Variants in CNOT1 observed in about 807,000 individuals in gnomAD.
The protein encoded by CNOT1 is CCR4-associated factor 1.
In CNOT1, 15 loss-of-function variants were observed where a neutral mutation model predicts 273.8. The ratio of observed to expected loss-of-function variants is 0.05; its 90% CI spans 0.04 to 0.08. The LOEUF (loss-of-function observed/expected upper bound fraction) is 0.08, where lower values mean the gene tolerates loss of function less well. Ranked by LOEUF, CNOT1 falls within the 10% of genes least tolerant of loss-of-function variation. The pLI is 1.00. For synonymous variants in CNOT1, 1,022 were observed against 1,005.5 expected (o/e 1.02, Z -0.31); for missense variants, 1,644 against 2,912.2 (o/e 0.56, Z 10.02).
chr16:58,617,836 T>A (rs983050607), intron 1 of CNOT1, among the ~76,000 whole-genome samples: 1 of 152,104 alleles, frequency 6.6e-6, no homozygotes, highest in Non-Finnish European at 1.5e-5. Flanking sequence ...CAAGACCCTG[T>A]CTCTACAACT....
At chr16:58,577,690 T>C (rs1215614451) in intron 13 of CNOT1, among the ~76,000 whole-genome samples, 1 of 151,936 alleles carries the variant, frequency 6.6e-6, no homozygotes, top group Non-Finnish European at 1.5e-5. Flanking sequence ...ATTCAAAAAA[T>C]TAACCGGGTA....
intron 20 of CNOT1, 63 bp downstream of exon 20, chr16:58,555,721 G>A: frequency 1.9e-6 from 3 of 1,598,522 alleles, no homozygotes; most frequent in Non-Finnish European, 2.6e-6. Context: ...TAAAAACATT[G>A]AAAAGGACAT....
rs145593532 is a variant in CNOT1, at chr16:58,587,424, C to T, written c.310-11G>A. The T allele has an allele frequency of 8.1e-6, 13 of 1,611,092 alleles. No individual in the cohort carries two copies. The East Asian group carries it at 2.7e-4, about 33-fold the overall frequency. On this transcript the variant is annotated splice_polypyrimidine_tract_variant and intron_variant, in intron 4 of 48. Coordinates refer to ENST00000317147, the MANE Select transcript of CNOT1 (RefSeq NM_016284.5). ...TGCAGGCTTTAAACTCTGAAACAAA[C>T]CAAATTTTAGTTTAAAATAAGAACT...
chr16:58,524,887 C>CCCTT (rs2039534355), intron 46 of CNOT1, among the ~76,000 whole-genome samples: 1 of 152,140 alleles, frequency 6.6e-6, no homozygotes, highest in African/African-American at 2.4e-5. Context: ...TAACAAGAGG[C>CCCTT]TATGTTTAAA....
chr16:58,523,300 A>C, intron 47 of CNOT1, 70 bp downstream of exon 47: 2 of 1,462,214 alleles, frequency 1.4e-6, no homozygotes, highest in Non-Finnish European at 1.8e-6. Flanking sequence ...TGAAAGCATA[A>C]AGAGGAAAAA....
At chr16:58,602,182 C>T (rs1411872661) in intron 1 of CNOT1, among the ~76,000 whole-genome samples, 2 of 151,982 alleles carry the variant, frequency 1.3e-5, no homozygotes, top group Non-Finnish European at 2.9e-5. Context: ...GATTCTCCTG[C>T]CTCAGCCTCC....
chr16:58,578,985 A>G, intron 12 of CNOT1, 46 bp from the exon 13 acceptor site: 1 of 1,591,402 alleles, frequency 6.3e-7, no homozygotes, highest in Non-Finnish European at 8.6e-7. Flanking sequence ...AAATCCAAGT[A>G]TACAGATTAA....
chr16:58,602,553 CA>C (rs60230860), intron 1 of CNOT1, among the ~76,000 whole-genome samples: 6,703 of 57,424 alleles, frequency 0.12, 68 homozygotes, highest in South Asian at 0.21. Context: ...ACTCTGTCTC[CA>C]AAAAAAAAAA....
At position 58,560,372 on chromosome 16, in the gene CNOT1, A is replaced by AG. The variant is rs1376383858; in HGVS notation, c.1980-11dup. The AG allele has an allele frequency of 6.2e-7, 1 of 1,612,522 alleles. No individual in the cohort carries two copies. The highest frequency in any genetic ancestry group is 8.5e-7 in the Non-Finnish European group (1 of 1,179,494). On this transcript the variant is annotated splice_polypyrimidine_tract_variant and intron_variant, in intron 16 of 48. Coordinates refer to ENST00000317147, the MANE Select transcript of CNOT1 (RefSeq NM_016284.5). ...CTCCTGAGAAACACTCCTAAAATAGAGGGGAAAAGGTAAAAAATATCAGTT... is the reference window on the plus strand; with the variant it reads ...CTCCTGAGAAACACTCCTAAAATAGAGGGGGAAAAGGTAAAAAATATCAGTT...
At chr16:58,607,770 G>T (rs1022231786) in intron 1 of CNOT1, among the ~76,000 whole-genome samples, 1 of 147,556 alleles carries the variant, frequency 6.8e-6, no homozygotes, top group Admixed American at 6.8e-5. Flanking sequence ...TATCTAAATG[G>T]GTGAGAAAAA....
intron 16 of CNOT1, among the ~76,000 whole-genome samples, chr16:58,565,460 A>T (rs940622839): frequency 2.6e-5 from 4 of 152,182 alleles, no homozygotes; most frequent in African/African-American, 9.7e-5. Flanking sequence ...CTACATAGCC[A>T]TGTAAAATCA....
At chr16:58,542,928 T>TA (rs942876006) in intron 31 of CNOT1, among the ~76,000 whole-genome samples, 19 of 152,062 alleles carry the variant, frequency 1.2e-4, no homozygotes, top group Middle Eastern at 3.4e-3. Context: ...ACTTCTCTAC[T>TA]AAAAAAATAC....
chr16:58,583,444 A>C (rs2041719886), intron 8 of CNOT1, among the ~76,000 whole-genome samples: 1 of 152,208 alleles, frequency 6.6e-6, no homozygotes, highest in Admixed American at 6.5e-5. Context: ...GTTAGATGGG[A>C]GATAAGCTAT....
chr16:58,559,158 A>T (rs538512520), intron 17 of CNOT1, among the ~76,000 whole-genome samples: 2 of 152,270 alleles, frequency 1.3e-5, no homozygotes, highest in South Asian at 4.1e-4. Flanking sequence ...GTAGCATCAG[A>T]TCAGGTATGG....
chr16:58,559,011 T>C (rs1428795862), intron 17 of CNOT1, among the ~76,000 whole-genome samples: 1 of 152,240 alleles, frequency 6.6e-6, no homozygotes, highest in African/African-American at 2.4e-5. Context: ...ATCATGGGGA[T>C]GGGACCCATG....
At chr16:58,599,572 T>C in intron 1 of CNOT1, 61 bp from the exon 2 acceptor site, 1 of 543,112 alleles carries the variant, frequency 1.8e-6, no homozygotes, top group Non-Finnish European at 3.2e-6. Flanking sequence ...AAAAGGAGGC[T>C]GGTCCAGGCG....
chr16:58,568,321 T>C (rs11867022), intron 16 of CNOT1, among the ~76,000 whole-genome samples: 84,747 of 150,732 alleles, frequency 0.56, 24,362 homozygotes, highest in Middle Eastern at 0.65. Context: ...TGAGCCGAGA[T>C]TGTGCCACTG....
chr16:58,620,407 G>A (rs1427846249), intron 1 of CNOT1, among the ~76,000 whole-genome samples: 2 of 152,090 alleles, frequency 1.3e-5, no homozygotes, highest in Admixed American at 6.6e-5. Flanking sequence ...TTGGGAGGCC[G>A]AGGTGGGCAG....
intron 8 of CNOT1, among the ~76,000 whole-genome samples, chr16:58,583,997 T>A (rs1484099384): frequency 1.3e-5 from 2 of 151,422 alleles, no homozygotes; most frequent in Non-Finnish European, 2.9e-5. Flanking sequence ...TGAAACCCCA[T>A]CTCTACTAAA....
Sources: gnomAD v4.1 joint callset for allele counts (sites outside exome capture counted in the v4.1 genomes callset) on GRCh38, gnomAD v4.1.1 for gene constraint, MANE v1.5 for transcripts, NCBI Gene and HGNC (gene_info 2026-07-23, HGNC 2026-07-21) for gene names.